Variants in CIB4 observed in about 807,000 individuals in gnomAD.
CIB4 encodes the protein calcium and integrin binding family member 4.
In CIB4, 25 loss-of-function variants were observed where a neutral mutation model predicts 25.8. That is an observed-to-expected ratio of 0.97 (90% CI 0.71 to 1.35). The LOEUF is 1.35. CIB4 is among the 40% of genes most tolerant of loss of function. The pLI is 0.00. For synonymous variants in CIB4, 75 were observed against 81.4 expected (o/e 0.92, Z 0.42); for missense variants, 235 against 228.2 (o/e 1.03, Z -0.19).
intron 3 of CIB4, among the ~76,000 whole-genome samples, chr2:26,596,837 T>G (rs1196370664): frequency 6.6e-6 from 1 of 152,194 alleles, no homozygotes; most frequent in East Asian, 1.9e-4. Context: ...GGAGGTTTAC[T>G]GCTTAGCTCT....
intron 4 of CIB4, among the ~76,000 whole-genome samples, chr2:26,584,885 G>A (rs946509723): frequency 5.9e-5 from 9 of 152,190 alleles, no homozygotes; most frequent in South Asian, 4.1e-4. Context: ...CGTGTGTGCC[G>A]GCTGCTAGTT....
chr2:26,612,232 C>G (rs147321388), intron 3 of CIB4, among the ~76,000 whole-genome samples: 115 of 152,342 alleles, frequency 7.5e-4, no homozygotes, highest in African/African-American at 2.7e-3. Flanking sequence ...GTGCACTCTT[C>G]TCCTGTAAGG....
At chr2:26,608,192 A>T (rs1668928441) in intron 3 of CIB4, among the ~76,000 whole-genome samples, 1 of 149,992 alleles carries the variant, frequency 6.7e-6, no homozygotes, top group African/African-American at 2.5e-5. Flanking sequence ...GTGAGCTGAG[A>T]TTGCACCACT....
At chr2:26,624,887 A>G (rs1669270830) in intron 3 of CIB4, among the ~76,000 whole-genome samples, 1 of 152,106 alleles carries the variant, frequency 6.6e-6, no homozygotes, top group Admixed American at 6.6e-5. Context: ...GTCAATAATA[A>G]TTGTATATTT....
intron 3 of CIB4, among the ~76,000 whole-genome samples, chr2:26,618,800 G>A (rs574038856): frequency 6.6e-6 from 1 of 152,166 alleles, no homozygotes; most frequent in Non-Finnish European, 1.5e-5. Context: ...GCCAAGGCTT[G>A]CATGGCCGCC....
At position 26,627,325 on chromosome 2, in the gene CIB4, T is replaced by C. The variant is rs1322888367; in HGVS notation, c.186+2085A>G. On this transcript the variant is annotated intron_variant, in intron 3 of 6. Transcript: ENST00000288861. The surrounding 1 kb of genome is among the most constrained non-coding windows in gnomAD (Gnocchi z 4.0). ...CATCATGTGGCCCCTTGGAAGTTGTTTCCCTCTTGGGACCTCAGTTTCCCC... is the reference window on the plus strand; with the variant it reads ...CATCATGTGGCCCCTTGGAAGTTGTCTCCCTCTTGGGACCTCAGTTTCCCC... 6.6e-6 allele frequency among the ~76,000 whole-genome samples: 1 copy of C among 152,230 alleles called. No individual in the cohort carries two copies. Among genetic ancestry groups the C allele is most frequent in the Non-Finnish European group, 1.5e-5 (1 of 68,030 alleles).
At chr2:26,616,012 T>C (rs1002705648) in intron 3 of CIB4, among the ~76,000 whole-genome samples, 3 of 151,786 alleles carry the variant, frequency 2.0e-5, no homozygotes, top group Non-Finnish European at 4.4e-5. Flanking sequence ...TGGGGGGCGG[T>C]GGGGGGTGAG....
intron 4 of CIB4, among the ~76,000 whole-genome samples, chr2:26,591,928 C>G (rs1203173613): frequency 2.6e-5 from 4 of 152,208 alleles, no homozygotes; most frequent in African/African-American, 9.6e-5. Context: ...TGAGCAGATT[C>G]CCCCAGTCAA....
chr2:26,591,330 C>G (rs1490620600), intron 4 of CIB4, among the ~76,000 whole-genome samples: 4 of 152,224 alleles, frequency 2.6e-5, no homozygotes. Context: ...CAGAGTGAAG[C>G]CTACAGGCCA....
At position 26,582,855 on chromosome 2, in the gene CIB4, T is replaced by C. The variant is rs374989653; in HGVS notation, c.497A>G (p.His166Arg). 68 of 1,613,466 alleles carry C rather than the reference T, an allele frequency of 4.2e-5. 1 individual carries two copies. The highest frequency in any genetic ancestry group is 1.3e-4 in the Admixed American group (8 of 60,002). ...GAAATCTGGAGACTTGGCCATTGCATGTTCAAACTCTGAGAAGGACAGCAT... is the reference window on the plus strand; with the variant it reads ...GAAATCTGGAGACTTGGCCATTGCACGTTCAAACTCTGAGAAGGACAGCAT... ...DNMLSFSEFE[H>R]AMAKSPDFMN... The change falls in exon 6 of 7, where the codon CAT becomes CGT. Residue 166 changes from histidine to arginine, a missense_variant. Coordinates refer to ENST00000288861, the MANE Select transcript of CIB4 (RefSeq NM_001029881.3).
intron 4 of CIB4, among the ~76,000 whole-genome samples, chr2:26,586,576 C>T (rs898134367): frequency 1.3e-5 from 2 of 152,192 alleles, no homozygotes; most frequent in Admixed American, 1.3e-4. Flanking sequence ...CCCAAGTGCC[C>T]AGAACAATGC....
intron 4 of CIB4, among the ~76,000 whole-genome samples, chr2:26,593,186 C>T (rs2148195180): frequency 6.6e-6 from 1 of 152,294 alleles, no homozygotes; most frequent in South Asian, 2.1e-4. Context: ...AATTATGCTA[C>T]CGCCTTTCCT....
intron 3 of CIB4, among the ~76,000 whole-genome samples, chr2:26,609,927 G>A (rs1668965373): frequency 6.6e-6 from 1 of 152,198 alleles, no homozygotes; most frequent in Non-Finnish European, 1.5e-5. Context: ...GCAAGAGACT[G>A]TAACTAACAG....
intron 2 of CIB4, 132 bp from the exon 3 acceptor site, chr2:26,629,638 G>T: frequency 1.5e-6 from 1 of 653,834 alleles, no homozygotes; most frequent in Non-Finnish European, 2.8e-6. Context: ...GGAGACTTGG[G>T]GTTGGCTGAC....
At chr2:26,620,700 A>T (rs1669188475) in intron 3 of CIB4, among the ~76,000 whole-genome samples, 1 of 152,180 alleles carries the variant, frequency 6.6e-6, no homozygotes, top group Non-Finnish European at 1.5e-5. Context: ...TCAGCTTTAA[A>T]ACAGCTTTTT....
intron 3 of CIB4, chr2:26,623,643 G>A (rs776443042): frequency 1.4e-4 from 62 of 454,346 alleles, no homozygotes; most frequent in South Asian, 9.9e-4. Flanking sequence ...AAACCTCTCT[G>A]CTCTGTAACA....
At chr2:26,624,193 G>C (rs1669256910) in intron 3 of CIB4, among the ~76,000 whole-genome samples, 1 of 152,168 alleles carries the variant, frequency 6.6e-6, no homozygotes, top group African/African-American at 2.4e-5. Context: ...GACCACTCAA[G>C]CCCCTGAGCC....
At chr2:26,629,996 G>A (rs573633842) in intron 2 of CIB4, among the ~76,000 whole-genome samples, 5 of 152,294 alleles carry the variant, frequency 3.3e-5, no homozygotes, top group South Asian at 4.1e-4. Flanking sequence ...ATTAGAGCCC[G>A]GCTGCCTGCA....
chr2:26,586,661 G>A (rs1379012553), intron 4 of CIB4, among the ~76,000 whole-genome samples: 2 of 152,226 alleles, frequency 1.3e-5, no homozygotes, highest in Admixed American at 1.3e-4. Flanking sequence ...CCATTGGTAA[G>A]TGATGGAGAC....
Sources: allele counts gnomAD v4.1 joint callset (sites outside exome capture counted in the v4.1 genomes callset), GRCh38; gene constraint gnomAD v4.1.1; non-coding constraint Gnocchi (gnomAD v3.1); transcripts MANE v1.5; gene names NCBI Gene and HGNC (gene_info 2026-07-23, HGNC 2026-07-21).